The following SGIP1 variants were observed in gnomAD, a reference collection of about 807,000 sequenced individuals.
SGIP1 encodes the protein SH3GL interacting endocytic adaptor 1, also known as SH3-containing GRB2-like protein 3-interacting protein 1.
A neutral mutation model predicts 107.5 loss-of-function variants in SGIP1; 38 were observed. The ratio of observed to expected loss-of-function variants is 0.35; its 90% CI spans 0.27 to 0.46. The LOEUF is 0.46. Ranked by LOEUF, SGIP1 falls within the 20% of genes least tolerant of loss-of-function variation. The pLI is 1.00. For missense variants in SGIP1, 929 were observed against 1,019.5 expected (o/e 0.91, Z 1.21); for synonymous variants, 365 against 366.1 (o/e 1.00, Z 0.03).
intron 1 of SGIP1, among the ~76,000 whole-genome samples, chr1:66,564,600 C>T (rs140047551): frequency 8.4e-4 from 127 of 152,082 alleles, no homozygotes; most frequent in Non-Finnish European, 1.6e-3. Context: ...GGTCCACATA[C>T]AGCCCAAAGA....
In SGIP1 at chr1:66,739,441, C is replaced by T. The variant is rs757757120; in HGVS notation, c.2138C>T (p.Ala713Val). ...ATAGATTACAAATATAATACAGATGCAATGACGACTGCTGTGGCCCTCAAC... is the reference window on the plus strand; with the variant it reads ...ATAGATTACAAATATAATACAGATGTAATGACGACTGCTGTGGCCCTCAAC... Reference protein sequence around the residue: ...LRIDYKYNTDAMTTAVALNNV... With the variant: ...LRIDYKYNTDVMTTAVALNNV... Residue 713 changes from alanine (A) to valine (V), a missense_variant, in exon 22 of 25, where the codon GCA (alanine) becomes GTA (valine). Physicochemically the swap from Ala to Val is moderately conservative, Grantham distance 64. Coordinates refer to ENST00000371037, the MANE Select transcript of SGIP1 (RefSeq NM_032291.4). 5 of 1,614,040 alleles carry T rather than the reference C, an allele frequency of 3.1e-6. No individual in the cohort carries two copies. Among genetic ancestry groups the T allele is most frequent in the East Asian group, 2.2e-5 (1 of 44,874 alleles).
intron 13 of SGIP1, among the ~76,000 whole-genome samples, chr1:66,677,963 C>T (rs1186884069): frequency 6.6e-6 from 1 of 152,184 alleles, no homozygotes; most frequent in East Asian, 1.9e-4. Flanking sequence ...GAATTAACCG[C>T]GGGGATTCAT....
intron 17 of SGIP1, among the ~76,000 whole-genome samples, chr1:66,693,855 C>A (rs762934119): frequency 2.0e-5 from 3 of 152,144 alleles, no homozygotes; most frequent in Non-Finnish European, 4.4e-5. Context: ...AATTAACGGT[C>A]CATAACTATC....
At chr1:66,674,781 A>G (rs2084794989) in intron 12 of SGIP1, among the ~76,000 whole-genome samples, 1 of 152,238 alleles carries the variant, frequency 6.6e-6, no homozygotes, top group African/African-American at 2.4e-5. Context: ...ACTGCTAACT[A>G]TTCTAAGAGC....
At chr1:66,735,725 C>T (rs1243815082) in intron 21 of SGIP1, among the ~76,000 whole-genome samples, 1 of 62,244 alleles carries the variant, frequency 1.6e-5, no homozygotes, top group Non-Finnish European at 3.4e-5. Flanking sequence ...GAGGCTGAGG[C>T]GGGAGAATGG....
At chr1:66,690,050 T>C (rs771258087) in intron 16 of SGIP1, 140 bp from the exon 17 acceptor site, 4 of 952,130 alleles carry the variant, frequency 4.2e-6, no homozygotes, top group Non-Finnish European at 6.4e-6. Flanking sequence ...TAGATAGAAT[T>C]AATTTCAGTG....
chr1:66,631,102 A>AG lies in SGIP1; in HGVS notation c.75-1968_75-1967insG, dbSNP rs201915191. Among the ~76,000 whole-genome samples the AG allele has an allele frequency of 5.2e-3, 751 of 145,484 alleles. 7 individuals carry two copies. The highest frequency in any genetic ancestry group is 6.5e-3 in the Non-Finnish European group (424 of 65,360). ...AAGAAAGAAAGAAAGAAAGAAAGAA[A>AG]AAAAGAAAGACTGACTCAGTATATA... On this transcript the variant is annotated intron_variant, in intron 2 of 24. Transcript: ENST00000371037.
chr1:66,695,636 T>A, intron 18 of SGIP1, 143 bp downstream of exon 18: 2 of 732,110 alleles, frequency 2.7e-6, no homozygotes, highest in Non-Finnish European at 4.3e-6. Flanking sequence ...TAGAAAATAT[T>A]AAACACTAAA....
chr1:66,647,839 A>C (rs1571206371), intron 7 of SGIP1, among the ~76,000 whole-genome samples: 1 of 152,162 alleles, frequency 6.6e-6, no homozygotes, highest in South Asian at 2.1e-4. Context: ...ATTAAACCAA[A>C]TATGTAATTT....
intron 7 of SGIP1, among the ~76,000 whole-genome samples, chr1:66,656,980 C>G (rs1429903995): frequency 1.3e-5 from 2 of 151,932 alleles, no homozygotes; most frequent in African/African-American, 2.4e-5. Flanking sequence ...CCAGCCTGAG[C>G]AACATAGCGA....
Position 66,685,579 on chromosome 1 carries a change from A to C in SGIP1, c.1315+3210A>C, listed in dbSNP as rs141489592. On this transcript the variant is annotated intron_variant, in intron 15 of 24. Coordinates refer to ENST00000371037, the MANE Select transcript of SGIP1 (RefSeq NM_032291.4). ...AACATTTTCCAACTTGGGAAACTAA[A>C]GATGTTATATGCAAACACACAGTCA... is the stretch of plus-strand genomic sequence containing the variant. 6.7e-3 allele frequency among the ~76,000 whole-genome samples: 1,014 copies of C among 152,342 alleles called. 8 individuals carry two copies. The highest frequency in any genetic ancestry group is 0.021 in the African/African-American group (877 of 41,570).
chr1:66,605,956 AGT>A (rs2066749902), intron 1 of SGIP1, among the ~76,000 whole-genome samples: 1 of 152,176 alleles, frequency 6.6e-6, no homozygotes, highest in Non-Finnish European at 1.5e-5. Context: ...AATTCACCTG[AGT>A]ATTCTAGAAG....
chr1:66,692,954 AACT>A (rs2090186169), intron 17 of SGIP1, among the ~76,000 whole-genome samples: 1 of 152,204 alleles, frequency 6.6e-6, no homozygotes, highest in Admixed American at 6.5e-5. Context: ...GCTCCTATAC[AACT>A]GCCTTTTATT....
intron 1 of SGIP1, among the ~76,000 whole-genome samples, chr1:66,569,446 G>A (rs2060091824): frequency 6.6e-6 from 1 of 151,770 alleles, no homozygotes; most frequent in Non-Finnish European, 1.5e-5. Flanking sequence ...TCAGAAATGG[G>A]TGTTGGATTT....
chr1:66,728,030 C>T (rs903437344), intron 19 of SGIP1, among the ~76,000 whole-genome samples: 7 of 151,958 alleles, frequency 4.6e-5, no homozygotes, highest in Admixed American at 4.6e-4. Flanking sequence ...TCAATTATAT[C>T]TTCATAAAGC....
intron 7 of SGIP1, among the ~76,000 whole-genome samples, chr1:66,656,357 T>C (rs1283185714): frequency 6.6e-6 from 1 of 152,214 alleles, no homozygotes; most frequent in African/African-American, 2.4e-5. Context: ...TTGTTTTTTA[T>C]AAGTGGAAGG....
At chr1:66,694,465 A>T in intron 17 of SGIP1, 2 of 1,608,320 alleles carry the variant, frequency 1.2e-6, no homozygotes, top group Non-Finnish European at 1.7e-6. Flanking sequence ...TTTTTATGAC[A>T]AACTGCCCTC....
At chr1:66,707,437 A>G (rs1486597180) in intron 18 of SGIP1, among the ~76,000 whole-genome samples, 1 of 152,142 alleles carries the variant, frequency 6.6e-6, no homozygotes, top group Non-Finnish European at 1.5e-5. Context: ...TACTCTTTGC[A>G]TTGATAGTTT....
At chr1:66,600,885 AG>A (rs2065668966) in intron 1 of SGIP1, among the ~76,000 whole-genome samples, 1 of 152,190 alleles carries the variant, frequency 6.6e-6, no homozygotes. Flanking sequence ...AAAAACAGGA[AG>A]GATCTCTTGG....
Sources: gnomAD v4.1 joint callset for allele counts (sites outside exome capture counted in the v4.1 genomes callset) on GRCh38, gnomAD v4.1.1 for gene constraint, MANE v1.5 for transcripts, NCBI Gene and HGNC (gene_info 2026-07-23, HGNC 2026-07-21) for gene names.